Variants in NLRP14 observed in about 807,000 individuals in gnomAD.
NLRP14 encodes NLR family pyrin domain containing 14.
A neutral mutation model predicts 94.7 loss-of-function variants in NLRP14; 105 were observed. That is an observed-to-expected ratio of 1.11 (90% CI 0.95 to 1.30). The LOEUF (loss-of-function observed/expected upper bound fraction) is 1.30. Among genes scored for constraint, NLRP14 ranks in the 50% most tolerant of loss-of-function variants. The pLI is 0.00. For missense variants in NLRP14, 1,362 were observed against 1,254.1 expected, an observed-to-expected ratio of 1.09 and a Z score of -1.30; for synonymous variants, 508 against 459.9, an observed-to-expected ratio of 1.10 and a Z score of -1.34.
At chr11:7,090,097 A>C in the NLRP14 span, 1 of 1,611,990 alleles carries the variant, frequency 6.2e-7, no homozygotes, top group Non-Finnish European at 8.5e-7. Context: ...CGCGACAGTT[A>C]CAGCAGCAGT....
intron 8 of NLRP14, 50 bp from the exon 9 acceptor site, chr11:7,059,844 T>C (rs1319220221): frequency 6.7e-7 from 1 of 1,483,362 alleles, no homozygotes; most frequent in Admixed American, 1.7e-5. Context: ...AAGAAATCTC[T>C]GGACAGTAGA....
chr11:7,086,001 A>G, the NLRP14 span, among the ~76,000 whole-genome samples: 2 of 152,184 alleles, frequency 1.3e-5, no homozygotes, highest in Non-Finnish European at 2.9e-5. Context: ...TACTGTTGCT[A>G]TGTGGGTGGG....
the NLRP14 span, among the ~76,000 whole-genome samples, chr11:7,077,277 G>A: frequency 6.6e-6 from 1 of 152,204 alleles, no homozygotes; most frequent in Non-Finnish European, 1.5e-5. Context: ...CCCCAATTCT[G>A]GTCTCCATCA....
At chr11:7,032,409 C>T (rs1009352050) in intron 1 of NLRP14, among the ~76,000 whole-genome samples, 2 of 152,050 alleles carry the variant, frequency 1.3e-5, no homozygotes, top group Non-Finnish European at 2.9e-5. Flanking sequence ...AACAAACACC[C>T]TTATGCACAA....
In NLRP14 at chr11:7,043,071, G is replaced by A. The variant is rs770545488; in HGVS notation, c.1045G>A (p.Ala349Thr). 6 of 1,614,080 alleles carry A rather than the reference G, an allele frequency of 3.7e-6. No individual in the cohort carries two copies. Among genetic ancestry groups the A allele is most frequent in the Non-Finnish European group, 4.2e-6 (5 of 1,180,022 alleles). The change falls in exon 4 of 12, where the codon GCC becomes ACC. Residue 349 changes from alanine (A) to threonine (T), a missense_variant. By Grantham distance (58) the Ala-to-Thr change is moderately conservative. Coordinates refer to ENST00000299481, the MANE Select transcript of NLRP14 (RefSeq NM_176822.4). ...IYQFFEDKRW[A>T]MKVFSSLKSN... ...CCAGTTTTTTGAAGATAAGAGGTGGGCCATGAAAGTATTCAGTTCACTAAA... is the reference window on the plus strand; with the variant it reads ...CCAGTTTTTTGAAGATAAGAGGTGGACCATGAAAGTATTCAGTTCACTAAA...
intron 2 of NLRP14, among the ~76,000 whole-genome samples, chr11:7,039,323 C>T (rs953543581): frequency 4.0e-5 from 6 of 151,716 alleles, no homozygotes. Context: ...TTATAGACCT[C>T]TAGAATTCCT....
chr11:7,078,145 A>C, the NLRP14 span, among the ~76,000 whole-genome samples: 1 of 152,166 alleles, frequency 6.6e-6, no homozygotes. Context: ...ATTAAGTTTA[A>C]AAATTGAATT....
the NLRP14 span, among the ~76,000 whole-genome samples, chr11:7,088,167 A>G: frequency 2.0e-5 from 3 of 152,232 alleles, no homozygotes; most frequent in East Asian, 5.8e-4. Flanking sequence ...CTCAGTATAT[A>G]TGGAACATTA....
chr11:7,049,639 T>G lies in NLRP14; in HGVS notation c.2124-32T>G, dbSNP rs776073169. 8 of 1,533,720 alleles carry G rather than the reference T, an allele frequency of 5.2e-6. No homozygotes were observed. In the South Asian group the frequency reaches 9.0e-5, roughly 17 times the overall value. On this transcript the variant is annotated intron_variant, in intron 5 of 11. Transcript: ENST00000299481. ...CTGTAACCAAGGAGAGAAATGGTTT[T>G]GTAATACCTCCTGCATATTTTTCTT...
intron 6 of NLRP14, among the ~76,000 whole-genome samples, chr11:7,054,695 C>T (rs553683647): frequency 6.6e-5 from 10 of 152,068 alleles, no homozygotes; most frequent in Admixed American, 1.3e-4. Context: ...AATATATTCT[C>T]GTTATTAGCC....
chr11:7,033,735 G>A (rs968553602), intron 1 of NLRP14, among the ~76,000 whole-genome samples: 8 of 152,124 alleles, frequency 5.3e-5, no homozygotes, highest in African/African-American at 1.9e-4. Context: ...CATAGTTAAC[G>A]AACATTTTGT....
intron 1 of NLRP14, among the ~76,000 whole-genome samples, chr11:7,024,114 A>C (rs1196745892): frequency 6.6e-6 from 1 of 152,226 alleles, no homozygotes; most frequent in East Asian, 1.9e-4. Flanking sequence ...CAATATGTGA[A>C]GAAATAATAA....
intron 3 of NLRP14, among the ~76,000 whole-genome samples, chr11:7,041,338 C>A (rs1852245466): frequency 6.6e-6 from 1 of 152,032 alleles, no homozygotes; most frequent in Non-Finnish European, 1.5e-5. Context: ...CTTCCCACTC[C>A]CCATCCCCAA....
Position 7,043,564 on chromosome 11 carries a change from C to A in NLRP14, c.1538C>A (p.Ser513Ter). 2 of 1,613,790 alleles carry A rather than the reference C, an allele frequency of 1.2e-6. No individual in the cohort carries two copies. Among genetic ancestry groups the A allele is most frequent in the Non-Finnish European group, 1.7e-6 (2 of 1,179,730 alleles). ...PSCQPFEDLK[S>*]LLQSTSYKDP... ...TGCCAGCCTTTTGAAGATTTGAAGT[C>A]ATTACTTCAAAGCACAAGTTATAAA... is the stretch of plus-strand genomic sequence containing the variant. Residue 513 changes from serine to a stop codon, truncating the protein, a stop_gained, in exon 4 of 12, where the codon TCA becomes TAA. Coordinates refer to ENST00000299481, the MANE Select transcript of NLRP14 (RefSeq NM_176822.4). LOFTEE classifies it high-confidence loss of function.
At chr11:7,081,821 A>G in the NLRP14 span, among the ~76,000 whole-genome samples, 11 of 152,340 alleles carry the variant, frequency 7.2e-5, no homozygotes, top group East Asian at 1.5e-3. Context: ...CTCATTATAT[A>G]GACGTGACTG....
chr11:7,021,545 C>T (rs1851935798), intron 1 of NLRP14, among the ~76,000 whole-genome samples: 3 of 152,160 alleles, frequency 2.0e-5, no homozygotes, highest in African/African-American at 7.2e-5. Flanking sequence ...TAAGAGCTGT[C>T]AATCATTGTT....
intron 1 of NLRP14, among the ~76,000 whole-genome samples, chr11:7,033,218 A>G (rs947311539): frequency 2.0e-5 from 3 of 152,224 alleles, no homozygotes; most frequent in Non-Finnish European, 4.4e-5. Context: ...TGCTGTAGTT[A>G]TTGTATATCT....
At chr11:7,082,949 G>A in the NLRP14 span, among the ~76,000 whole-genome samples, 2 of 152,188 alleles carry the variant, frequency 1.3e-5, no homozygotes, top group Non-Finnish European at 2.9e-5. Context: ...ATAAAGTTTA[G>A]AATAGAGCTA....
At chr11:7,054,076 G>A (rs915787714) in intron 6 of NLRP14, among the ~76,000 whole-genome samples, 1 of 151,904 alleles carries the variant, frequency 6.6e-6, no homozygotes, top group Non-Finnish European at 1.5e-5. Context: ...TCTGTGCCTG[G>A]CTTATTTCAC....
Sources: allele counts gnomAD v4.1 joint callset (sites outside exome capture counted in the v4.1 genomes callset), GRCh38; gene constraint gnomAD v4.1.1; transcripts MANE v1.5; gene names NCBI Gene and HGNC (gene_info 2026-07-23, HGNC 2026-07-21).